AP1AR: variants seen among roughly 807,000 people sequenced by gnomAD.
The protein encoded by AP1AR is AP-1 complex-associated regulatory protein.
AP1AR carries 29 observed loss-of-function variants against 46.3 expected under a neutral mutation model. That is an observed-to-expected ratio of 0.63 (90% CI 0.47 to 0.85). The LOEUF is 0.85. AP1AR is among the 40% of genes least tolerant of loss of function. The pLI, the probability that AP1AR is intolerant of heterozygous loss-of-function variation, is 0.00. For synonymous variants in AP1AR, 122 were observed against 122.9 expected, an observed-to-expected ratio of 0.99 and a Z score of 0.05; for missense variants, 357 against 356.3, an observed-to-expected ratio of 1.00 and a Z score of -0.02.
chr4:112,266,676 C>T lies in AP1AR; in HGVS notation c.603C>T (p.Asp201=), dbSNP rs534792394. The T allele has an allele frequency of 1.1e-4, 180 of 1,609,880 alleles. No individual in the cohort carries two copies. The highest frequency in any genetic ancestry group is 1.3e-4 in the Non-Finnish European group (158 of 1,177,360). Residue 201 remains aspartate (D), a synonymous_variant, in exon 9 of 10, where the codon GAC becomes GAT. Transcript: ENST00000274000. ...AAACTAAATCAACTAGTGGAAATGACGACAGCACATCCTTAGATCTAGAGT... is the reference window on the plus strand; with the variant it reads ...AAACTAAATCAACTAGTGGAAATGATGACAGCACATCCTTAGATCTAGAGT... ...MTKTKSTSGN[D]DSTSLDLEWE... is the part of the protein sequence containing the mutation.
chr4:112,265,018 C>A lies in AP1AR; in HGVS notation c.391C>A (p.Gln131Lys). 1.3e-6 allele frequency: 2 copies of A among 1,599,020 alleles called. No individual in the cohort carries two copies. Among genetic ancestry groups the A allele is most frequent in the Non-Finnish European group, 1.7e-6 (2 of 1,174,640 alleles). Residue 131 changes from glutamine to lysine, a missense_variant, in exon 7 of 10, where the codon CAG becomes AAG. By Grantham distance (53) the Gln-to-Lys change is moderately conservative. This residue lies in a region of AP1AR where 269 missense variants were observed against 223.6 expected (regional missense o/e 1.20). Transcript: ENST00000274000. ...KQRKLLEQER[Q>K]RIVQQYHPSN... ...CATTATGTTTCCAAAGCAAGAAAGG[C>A]AGAGAATTGTGCAGCAATATCATCC...
At chr4:112,236,418 C>G in intron 1 of AP1AR, among the ~76,000 whole-genome samples, 1 of 148,758 alleles carries the variant, frequency 6.7e-6, no homozygotes, top group East Asian at 2.0e-4. Context: ...TTTTTTCCCC[C>G]AAAAAGGAGT....
At chr4:112,262,827 A>T (rs1352364382) in intron 5 of AP1AR, among the ~76,000 whole-genome samples, 161 bp from the exon 6 acceptor site, 2 of 152,256 alleles carry the variant, frequency 1.3e-5, no homozygotes, top group Non-Finnish European at 2.9e-5. Flanking sequence ...GTAAAAGAAA[A>T]AATTTAAACA....
At chr4:112,237,143 T>C (rs1015961780) in intron 1 of AP1AR, among the ~76,000 whole-genome samples, 2 of 152,244 alleles carry the variant, frequency 1.3e-5, no homozygotes, top group African/African-American at 4.8e-5. Context: ...AATCTTGCCC[T>C]GTTGCCCAAG....
chr4:112,258,480 G>A (rs1039676038), intron 4 of AP1AR, among the ~76,000 whole-genome samples: 16 of 152,334 alleles, frequency 1.1e-4, no homozygotes, highest in Admixed American at 2.6e-4. Context: ...TCAATATGAG[G>A]TAGGGAAAGC....
At chr4:112,238,823 C>G (rs1578401810) in intron 1 of AP1AR, among the ~76,000 whole-genome samples, 1 of 152,192 alleles carries the variant, frequency 6.6e-6, no homozygotes, top group African/African-American at 2.4e-5. Flanking sequence ...ACTTATCTGT[C>G]AAACATAACT....
rs1448087028 is a variant in AP1AR, at chr4:112,271,148, A to G, written c.*2739A>G. Among the ~76,000 whole-genome samples the G allele has an allele frequency of 6.6e-6, 1 of 152,214 alleles. No individual in the cohort carries two copies. Among genetic ancestry groups the G allele is most frequent in the Non-Finnish European group, 1.5e-5 (1 of 68,040 alleles). On this transcript the variant is annotated 3_prime_UTR_variant, in exon 10 of 10. Transcript: ENST00000274000. ...CTTGCTCACTGCACATAGTCCACGT[A>G]GGCAAAACTCAACCACAGTCTGACA...
At chr4:112,237,851 C>A (rs530077548) in intron 1 of AP1AR, among the ~76,000 whole-genome samples, 1 of 152,144 alleles carries the variant, frequency 6.6e-6, no homozygotes, top group East Asian at 1.9e-4. Flanking sequence ...CCGCTCCAAG[C>A]CCCTGAAACC....
At chr4:112,237,795 G>A (rs977896966) in intron 1 of AP1AR, among the ~76,000 whole-genome samples, 4 of 152,012 alleles carry the variant, frequency 2.6e-5, no homozygotes, top group African/African-American at 9.7e-5. Flanking sequence ...TTTTTTGTGA[G>A]CTTTCACTTA....
chr4:112,232,067 A>G lies in AP1AR; in HGVS notation c.-25A>G. 7.4e-7 allele frequency: 1 copy of G among 1,349,388 alleles called. No homozygotes were observed. Among genetic ancestry groups the G allele is most frequent in the Non-Finnish European group, 9.6e-7 (1 of 1,042,312 alleles). The allele number at this position is 1,349,388 out of a possible 1,614,324, so 83.6% of individuals were successfully genotyped here. ...GGCATTGAGCGGGAGGAGGAGGAGGAGCGGCGGCGCCTGGGCGGCATGCGA... is the reference window on the plus strand; with the variant it reads ...GGCATTGAGCGGGAGGAGGAGGAGGGGCGGCGGCGCCTGGGCGGCATGCGA... On this transcript the variant is annotated 5_prime_UTR_variant, in exon 1 of 10. Coordinates refer to ENST00000274000, the MANE Select transcript of AP1AR (RefSeq NM_018569.6).
chr4:112,267,852 C>G (rs1726772065), intron 9 of AP1AR, among the ~76,000 whole-genome samples: 1 of 151,906 alleles, frequency 6.6e-6, no homozygotes, highest in Admixed American at 6.6e-5. Flanking sequence ...CAGTTGAAAT[C>G]CTCCATCCAT....
intron 3 of AP1AR, 44 bp downstream of exon 3, chr4:112,254,817 C>T: frequency 9.4e-7 from 1 of 1,064,892 alleles, no homozygotes; most frequent in South Asian, 1.9e-5. Context: ...TTGTTTTTCT[C>T]ATTAATCGTC....
chr4:112,256,258 G>A (rs574738523), intron 3 of AP1AR, among the ~76,000 whole-genome samples: 9 of 152,188 alleles, frequency 5.9e-5, no homozygotes, highest in Admixed American at 2.0e-4. Flanking sequence ...TATTTTAGCC[G>A]TTTGTTCTCC....
At position 112,269,366 on chromosome 4, in the gene AP1AR, A is replaced by G. The variant is rs1249970413; in HGVS notation, c.*957A>G. The G allele has an allele frequency of 6.6e-6, 1 of 152,282 alleles. No individual in the cohort carries two copies. Among genetic ancestry groups the G allele is most frequent in the African/African-American group, 2.4e-5 (1 of 41,416 alleles). 9.4% of individuals were successfully genotyped at this position (152,282 alleles called of 1,614,324 possible). On this transcript the variant is annotated 3_prime_UTR_variant, in exon 10 of 10. Transcript: ENST00000274000. ...AAGCCTTCCTTTACCTTGTAGTACA[A>G]GGTGCTTTAATGGGATAGAACTAAG...
intron 1 of AP1AR, among the ~76,000 whole-genome samples, chr4:112,252,696 G>T (rs1053379112): frequency 1.3e-5 from 2 of 152,142 alleles, no homozygotes; most frequent in African/African-American, 4.8e-5. Flanking sequence ...TCTTTTATTT[G>T]TGAGGGCATG....
intron 4 of AP1AR, among the ~76,000 whole-genome samples, chr4:112,258,032 T>C (rs1218731566): frequency 6.6e-6 from 1 of 152,174 alleles, no homozygotes; most frequent in African/African-American, 2.4e-5. Context: ...GTACCTGTTA[T>C]ATGTTTTTTA....
intron 1 of AP1AR, among the ~76,000 whole-genome samples, chr4:112,232,578 C>T (rs939282958): frequency 6.6e-6 from 1 of 152,186 alleles, no homozygotes; most frequent in African/African-American, 2.4e-5. Context: ...TCTCTTTAGC[C>T]CTGGCAGAGC....
At chr4:112,266,552 A>T (rs1164338145) in intron 8 of AP1AR, 36 bp from the exon 9 acceptor site, 1 of 1,598,886 alleles carries the variant, frequency 6.3e-7, no homozygotes, top group Non-Finnish European at 8.5e-7. Flanking sequence ...GGAAGAGTAG[A>T]TGAGAGTATT....
chr4:112,264,189 A>G (rs3775968), intron 6 of AP1AR, among the ~76,000 whole-genome samples: 3,957 of 152,276 alleles, frequency 0.026, 173 homozygotes, highest in East Asian at 0.16. Context: ...TTCTACTAAG[A>G]AAAGTATTTT....
Sources: gnomAD v4.1 joint callset for allele counts (sites outside exome capture counted in the v4.1 genomes callset) on GRCh38, gnomAD v4.1.1 for gene constraint, gnomAD v4.1.1 regional missense constraint, MANE v1.5 for transcripts, NCBI Gene and HGNC (gene_info 2026-07-23, HGNC 2026-07-21) for gene names.